Variants in PPP2R2B observed in about 807,000 individuals in gnomAD.
PPP2R2B encodes protein phosphatase 2 regulatory subunit Bbeta, also known as serine/threonine-protein phosphatase 2A 55 kDa regulatory subunit B beta isoform.
Under a neutral mutation model 46.0 loss-of-function variants are expected in PPP2R2B, and 5 were observed. That is an observed-to-expected ratio of 0.11 (90% CI 0.06 to 0.23). The LOEUF (loss-of-function observed/expected upper bound fraction) is 0.23. Among genes scored for constraint, PPP2R2B ranks in the 10% least tolerant of loss-of-function variants. The pLI, the probability that PPP2R2B is intolerant of heterozygous loss-of-function variation, is 1.00. For synonymous variants in PPP2R2B, 215 were observed against 206.7 expected, an observed-to-expected ratio of 1.04 and a Z score of -0.34; for missense variants, 367 against 575.0, an observed-to-expected ratio of 0.64 and a Z score of 3.70.
At chr5:147,053,840 A>G (rs1242311962) in intron 1 of PPP2R2B, among the ~76,000 whole-genome samples, 2 of 152,220 alleles carry the variant, frequency 1.3e-5, no homozygotes, top group African/African-American at 4.8e-5. Flanking sequence ...CTGGGCATAG[A>G]GCAATCAAGT....
At chr5:146,892,291 C>T (rs1762513756) in intron 1 of PPP2R2B, among the ~76,000 whole-genome samples, 1 of 152,152 alleles carries the variant, frequency 6.6e-6, no homozygotes, top group Non-Finnish European at 1.5e-5. Context: ...GGTTTGCACA[C>T]ATGCCACACA....
At chr5:146,657,894 A>C (rs182352920) in intron 5 of PPP2R2B, among the ~76,000 whole-genome samples, 164 of 152,320 alleles carry the variant, frequency 1.1e-3, no homozygotes, top group African/African-American at 3.8e-3. Context: ...TTAGACTGAC[A>C]GTATATATCA....
At chr5:146,984,632 G>C (rs1580754081) in intron 1 of PPP2R2B, among the ~76,000 whole-genome samples, 1 of 152,056 alleles carries the variant, frequency 6.6e-6, no homozygotes, top group Admixed American at 6.6e-5. Context: ...TGGTAGTTCT[G>C]TTTTTAACTT....
intron 1 of PPP2R2B, among the ~76,000 whole-genome samples, chr5:146,984,702 G>C (rs926192362): frequency 1.3e-4 from 20 of 151,538 alleles, no homozygotes; most frequent in Non-Finnish European, 5.9e-5. Context: ...GTGTACAAGG[G>C]TTCCTGTTTC....
rs377176736 is a variant in PPP2R2B, at chr5:146,656,117, G to T, written c.448-5393C>A. 5.6e-4 allele frequency among the ~76,000 whole-genome samples: 86 copies of T among 152,330 alleles called. 1 individual carries two copies. The South Asian group carries it at 0.017, about 30-fold the overall frequency. Reference sequence around the variant, plus strand: ...CCGGTGCCACAACAGTGAACTCTCTGTGGTACATAAGTTCTTGTGTGTATG... The same window carrying T: ...CCGGTGCCACAACAGTGAACTCTCTTTGGTACATAAGTTCTTGTGTGTATG... On this transcript the variant is annotated intron_variant, in intron 5 of 9. Transcript: ENST00000394411.
At chr5:146,729,685 C>T (rs1349061481) in intron 2 of PPP2R2B, among the ~76,000 whole-genome samples, 2 of 152,180 alleles carry the variant, frequency 1.3e-5, no homozygotes, top group Non-Finnish European at 2.9e-5. Context: ...ACAGCTTGGG[C>T]CTGCGGTTTC....
chr5:147,070,935 G>A (rs73310645), intron 2 of PPP2R2B, among the ~76,000 whole-genome samples: 4,703 of 152,058 alleles, frequency 0.031, 96 homozygotes, highest in African/African-American at 0.05. Context: ...GATTGCAGTG[G>A]TCCGAGATTA....
intron 2 of PPP2R2B, among the ~76,000 whole-genome samples, chr5:146,788,804 T>C (rs1408611684): frequency 6.6e-6 from 1 of 152,094 alleles, no homozygotes; most frequent in Non-Finnish European, 1.5e-5. Context: ...ACTTAAACAC[T>C]CTGCAACAAC....
intron 1 of PPP2R2B, among the ~76,000 whole-genome samples, chr5:147,009,228 A>G (rs936059134): frequency 1.3e-5 from 2 of 152,164 alleles, no homozygotes; most frequent in African/African-American, 4.8e-5. Context: ...CCTGGCTTGG[A>G]AAAAGCTTGG....
intron 1 of PPP2R2B, among the ~76,000 whole-genome samples, chr5:146,925,563 A>AT (rs1308156499): frequency 6.6e-6 from 1 of 151,870 alleles, no homozygotes. Context: ...TGCTTTCAAG[A>AT]TTTTCTCTTT....
rs1762020892 is a variant in PPP2R2B at position 146,878,283 on chromosome 5, G to A, written c.-124-88C>T. ...TCCTCCACTCGGGTTCTGCGAGGCT[G>A]CGGCGGCTCCTCCCGCGCGGTGCGC... On this transcript the variant is annotated intron_variant, in intron 1 of 9. Transcript: ENST00000394411. This position sits in a 1 kb window ranked among gnomAD's most constrained non-coding sequence, Gnocchi z 4.5. The A allele has an allele frequency of 6.8e-7, 1 of 1,460,952 alleles. No homozygotes were observed. Among genetic ancestry groups the A allele is most frequent in the African/African-American group, 1.4e-5 (1 of 70,562 alleles). The allele number at this position is 1,460,952 out of a possible 1,614,324, so 90.5% of individuals were successfully genotyped here.
intron 7 of PPP2R2B, among the ~76,000 whole-genome samples, chr5:146,625,813 G>GA (rs1219209197): frequency 6.6e-6 from 1 of 152,188 alleles, no homozygotes; most frequent in African/African-American, 2.4e-5. Flanking sequence ...TTAAGGTGGG[G>GA]AGAGTATCTT....
chr5:146,768,887 AC>A (rs1754660362), intron 2 of PPP2R2B, among the ~76,000 whole-genome samples: 1 of 110,012 alleles, frequency 9.1e-6, no homozygotes, highest in African/African-American at 2.8e-5. Flanking sequence ...ATTTGTTGTT[AC>A]TTTTTTTTTT....
chr5:147,074,396 C>T (rs73793325), intron 2 of PPP2R2B, among the ~76,000 whole-genome samples: 4,789 of 152,178 alleles, frequency 0.031, 252 homozygotes, highest in African/African-American at 0.11. Flanking sequence ...TATTCAGGAG[C>T]GGGAAGAGCA....
intron 5 of PPP2R2B, among the ~76,000 whole-genome samples, chr5:146,655,187 G>A (rs145196776): frequency 1.3e-5 from 2 of 152,282 alleles, no homozygotes; most frequent in East Asian, 1.9e-4. Context: ...TTCAAAGGAC[G>A]CACATCCCAG....
At chr5:146,905,302 T>C (rs1289684409) in intron 1 of PPP2R2B, among the ~76,000 whole-genome samples, 1 of 152,176 alleles carries the variant, frequency 6.6e-6, no homozygotes, top group Non-Finnish European at 1.5e-5. Flanking sequence ...TAAAAACATA[T>C]CTCAATCTAC....
At chr5:146,677,765 C>T (rs910851169) in intron 5 of PPP2R2B, among the ~76,000 whole-genome samples, 2 of 152,076 alleles carry the variant, frequency 1.3e-5, no homozygotes, top group Non-Finnish European at 2.9e-5. Context: ...TGAGCTCAAG[C>T]GATCCACCCA....
At chr5:146,997,391 A>G (rs1753972232) in intron 1 of PPP2R2B, among the ~76,000 whole-genome samples, 1 of 152,188 alleles carries the variant, frequency 6.6e-6, no homozygotes, top group African/African-American at 2.4e-5. Context: ...GGCTGCCTGC[A>G]CAAGGCAGTA....
intron 1 of PPP2R2B, among the ~76,000 whole-genome samples, chr5:147,007,234 A>G (rs1754481038): frequency 1.3e-5 from 2 of 152,236 alleles, no homozygotes; most frequent in African/African-American, 4.8e-5. Flanking sequence ...AAGTAGCTAG[A>G]GCAGTCATCG....
Sources: gnomAD v4.1 joint callset for allele counts (sites outside exome capture counted in the v4.1 genomes callset) on GRCh38, gnomAD v4.1.1 for gene constraint, Gnocchi (gnomAD v3.1) non-coding constraint, MANE v1.5 for transcripts, NCBI Gene and HGNC (gene_info 2026-07-23, HGNC 2026-07-21) for gene names.